Variants in LOC128462377 observed in about 807,000 individuals in gnomAD.
At chr16:89,387,714 T>C in the LOC128462377 span, among the ~76,000 whole-genome samples, 2 of 141,354 alleles carry the variant, frequency 1.4e-5, no homozygotes, top group South Asian at 4.5e-4. Context: ...AAAAAAAGAC[T>C]GTGCTTGGCC....
chr16:89,356,590 TA>T, the LOC128462377 span, among the ~76,000 whole-genome samples: 1 of 135,938 alleles, frequency 7.4e-6, no homozygotes, highest in East Asian at 2.1e-4. Context: ...GCTAACACAG[TA>T]AAACCCCATC....
chr16:89,378,064 AAT>A, the LOC128462377 span, among the ~76,000 whole-genome samples: 1 of 152,168 alleles, frequency 6.6e-6, no homozygotes. Context: ...CGACATATAA[AAT>A]ATGAGGGGCA....
At chr16:89,391,304 A>G in the LOC128462377 span, among the ~76,000 whole-genome samples, 5 of 151,598 alleles carry the variant, frequency 3.3e-5, no homozygotes, top group Admixed American at 2.0e-4. Context: ...GTCGCTGAGA[A>G]GCACAGCCAC....
At chr16:89,397,968 A>C in the LOC128462377 span, among the ~76,000 whole-genome samples, 1 of 152,234 alleles carries the variant, frequency 6.6e-6, no homozygotes, top group Non-Finnish European at 1.5e-5. Flanking sequence ...GAATCGGTGC[A>C]ATATTCACCC....
chr16:89,411,225 G>C, the LOC128462377 span, among the ~76,000 whole-genome samples: 1 of 152,236 alleles, frequency 6.6e-6, no homozygotes, highest in Non-Finnish European at 1.5e-5. Flanking sequence ...CGTGTGTGCT[G>C]GTGCCACCAC....
At chr16:89,375,119 T>C in the LOC128462377 span, among the ~76,000 whole-genome samples, 3 of 151,998 alleles carry the variant, frequency 2.0e-5, no homozygotes, top group Non-Finnish European at 4.4e-5. Context: ...CAGAAGTGTA[T>C]ACAACTCAGT....
At chr16:89,391,576 T>TC in the LOC128462377 span, among the ~76,000 whole-genome samples, 1 of 152,128 alleles carries the variant, frequency 6.6e-6, no homozygotes, top group Non-Finnish European at 1.5e-5. Context: ...ATCTGAGTTT[T>TC]CCCCCTCAGA....
the LOC128462377 span, among the ~76,000 whole-genome samples, chr16:89,337,209 C>T: frequency 6.6e-6 from 1 of 151,346 alleles, no homozygotes; most frequent in South Asian, 2.1e-4. Context: ...CAAAAAACTG[C>T]AAATTAAAAC....
At chr16:89,370,574 CCTTCCAGG>C in the LOC128462377 span, 3 of 152,432 alleles carry the variant, frequency 2.0e-5, no homozygotes, top group African/African-American at 7.2e-5. Context: ...GACCACAGGG[CCTTCCAGG>C]CAGCTCAGCG....
chr16:89,389,847 G>C, the LOC128462377 span, among the ~76,000 whole-genome samples: 2 of 145,544 alleles, frequency 1.4e-5, no homozygotes, highest in East Asian at 4.1e-4. Flanking sequence ...GTGTGGCGGG[G>C]AGCACCGAGA....
the LOC128462377 span, among the ~76,000 whole-genome samples, chr16:89,408,811 T>C: frequency 2.0e-5 from 3 of 152,134 alleles, no homozygotes; most frequent in African/African-American, 4.8e-5. Flanking sequence ...ATTCCTCTTG[T>C]AATAAAAATA....
chr16:89,373,242 G>A, the LOC128462377 span: 1 of 152,252 alleles, frequency 6.6e-6, no homozygotes, highest in Non-Finnish European at 1.5e-5. Flanking sequence ...AGCTGAACTT[G>A]AACAAAAACA....
the LOC128462377 span, among the ~76,000 whole-genome samples, chr16:89,407,948 G>A: frequency 2.6e-5 from 4 of 151,502 alleles, no homozygotes; most frequent in Non-Finnish European, 5.9e-5. Context: ...AAGCCAAACT[G>A]ATAAGTTTTT....
the LOC128462377 span, among the ~76,000 whole-genome samples, chr16:89,317,729 G>A: frequency 3.3e-5 from 5 of 152,208 alleles, no homozygotes; most frequent in African/African-American, 1.2e-4. Flanking sequence ...CAGGAAATCC[G>A]AGGACACATA....
At chr16:89,372,411 C>A in the LOC128462377 span, among the ~76,000 whole-genome samples, 1 of 152,006 alleles carries the variant, frequency 6.6e-6, no homozygotes. Flanking sequence ...CGGACGGGGT[C>A]GACAAGGCAG....
At chr16:89,349,134 TAAAAAAAAAA>T in the LOC128462377 span, among the ~76,000 whole-genome samples, 1,821 of 16,634 alleles carry the variant, frequency 0.11, 46 homozygotes, top group Non-Finnish European at 0.14. Flanking sequence ...TCTCAAAAAG[TAAAAAAAAAA>T]AAAAAAAAAA....
chr16:89,351,138 G>A, the LOC128462377 span, among the ~76,000 whole-genome samples: 30 of 152,318 alleles, frequency 2.0e-4, no homozygotes, highest in African/African-American at 6.3e-4. Context: ...GGGAGTGGAC[G>A]ATGGCGGGCA....
chr16:89,343,884 G>A, the LOC128462377 span: 1 of 152,286 alleles, frequency 6.6e-6, no homozygotes, highest in Non-Finnish European at 1.5e-5. Flanking sequence ...GACCAACAGA[G>A]TAGGGAAAAC....
the LOC128462377 span, among the ~76,000 whole-genome samples, chr16:89,360,334 C>T: frequency 2.0e-5 from 3 of 152,156 alleles, no homozygotes; most frequent in Non-Finnish European, 2.9e-5. Flanking sequence ...TGGGTTCAGG[C>T]AATCCTCTCG....
Sources: gnomAD v4.1 joint callset for allele counts (sites outside exome capture counted in the v4.1 genomes callset) on GRCh38, gnomAD v4.1.1 for gene constraint, MANE v1.5 for transcripts.